The following ATRNL1 variants were observed in gnomAD, a reference collection of about 807,000 sequenced individuals.
The protein encoded by ATRNL1 is attractin like 1.
A neutral mutation model predicts 182.7 loss-of-function variants in ATRNL1; 95 were observed. That is an observed-to-expected ratio of 0.52 (90% CI 0.44 to 0.62). The LOEUF (loss-of-function observed/expected upper bound fraction) is 0.62, where lower values mean the gene tolerates loss of function less well. Ranked by LOEUF, ATRNL1 falls within the 20% of genes least tolerant of loss-of-function variation. ATRNL1 has a pLI of 0.00. For missense variants in ATRNL1, 1,471 were observed against 1,679.5 expected, an observed-to-expected ratio of 0.88 and a Z score of 2.17; for synonymous variants, 576 against 568.3, an observed-to-expected ratio of 1.01 and a Z score of -0.19.
intron 26 of ATRNL1, among the ~76,000 whole-genome samples, chr10:115,680,796 G>A (rs1249470514): frequency 1.3e-5 from 2 of 152,156 alleles, no homozygotes; most frequent in Non-Finnish European, 2.9e-5. Context: ...TATATAGCAA[G>A]TGGACTATAG....
chr10:115,167,591 G>A (rs181560382), intron 7 of ATRNL1, among the ~76,000 whole-genome samples: 3 of 152,078 alleles, frequency 2.0e-5, no homozygotes, highest in African/African-American at 7.2e-5. Context: ...TGGCTAGGCT[G>A]TCTAAATATG....
At chr10:115,170,051 G>A (rs1592205268) in intron 7 of ATRNL1, among the ~76,000 whole-genome samples, 1 of 152,106 alleles carries the variant, frequency 6.6e-6, no homozygotes, top group East Asian at 1.9e-4. Context: ...AAAATTTTTA[G>A]GACTTTCTAT....
At chr10:115,435,980 T>C in intron 21 of ATRNL1, among the ~76,000 whole-genome samples, 1 of 152,192 alleles carries the variant, frequency 6.6e-6, no homozygotes, top group African/African-American at 2.4e-5. Context: ...TAAGTGAATA[T>C]ACATTTATTT....
At chr10:115,170,303 A>C (rs1847238136) in intron 7 of ATRNL1, among the ~76,000 whole-genome samples, 1 of 152,016 alleles carries the variant, frequency 6.6e-6, no homozygotes, top group South Asian at 2.1e-4. Context: ...ATTTTTTTCT[A>C]TTTCTAGTTT....
intron 24 of ATRNL1, among the ~76,000 whole-genome samples, chr10:115,506,816 T>G (rs1850137624): frequency 6.6e-6 from 1 of 152,002 alleles, no homozygotes; most frequent in African/African-American, 2.4e-5. Context: ...AGGAGATTTG[T>G]GAAAGGTCAG....
At position 115,300,029 on chromosome 10, in the gene ATRNL1, T is replaced by G. The variant is rs1554923916; in HGVS notation, c.2416-5T>G. 6.2e-7 allele frequency: 1 copy of G among 1,603,118 alleles called. No individual in the cohort carries two copies. The highest frequency in any genetic ancestry group is 8.5e-7 in the Non-Finnish European group (1 of 1,171,608). ...TTTGAATGCCCCTTTTCCTGTTGTTTACAGAAAGTATCACCTTGGGTAGGC... is the reference window on the plus strand; with the variant it reads ...TTTGAATGCCCCTTTTCCTGTTGTTGACAGAAAGTATCACCTTGGGTAGGC... On this transcript the variant is annotated splice_polypyrimidine_tract_variant and splice_region_variant and intron_variant, in intron 15 of 28. Transcript: ENST00000355044.
At chr10:115,244,784 A>G (rs1592314851) in intron 10 of ATRNL1, among the ~76,000 whole-genome samples, 1 of 152,228 alleles carries the variant, frequency 6.6e-6, no homozygotes, top group Non-Finnish European at 1.5e-5. Context: ...ATAACCTTCT[A>G]TTTAGAATTC....
intron 24 of ATRNL1, among the ~76,000 whole-genome samples, chr10:115,496,213 T>G (rs1849543070): frequency 6.6e-6 from 1 of 151,944 alleles, no homozygotes; most frequent in Non-Finnish European, 1.5e-5. Context: ...TGGGTGTCAT[T>G]GCACGTAAGA....
intron 28 of ATRNL1, among the ~76,000 whole-genome samples, chr10:115,924,507 G>T (rs1232476435): frequency 6.6e-6 from 1 of 152,012 alleles, no homozygotes; most frequent in East Asian, 1.9e-4. Flanking sequence ...GAATAGGAGA[G>T]CCTTTCCCCA....
chr10:115,665,952 C>T (rs1555039561), intron 26 of ATRNL1, among the ~76,000 whole-genome samples: 1 of 152,096 alleles, frequency 6.6e-6, no homozygotes, highest in Non-Finnish European at 1.5e-5. Flanking sequence ...GGCATCTTCT[C>T]TTTTGCAGTT....
intron 26 of ATRNL1, among the ~76,000 whole-genome samples, chr10:115,587,981 C>A (rs1458489512): frequency 2.6e-5 from 4 of 151,946 alleles, no homozygotes; most frequent in South Asian, 2.1e-4. Context: ...AAATGAAAAT[C>A]AAATTCAAGT....
chr10:115,205,029 C>G (rs1189264376), intron 8 of ATRNL1, among the ~76,000 whole-genome samples: 1 of 152,038 alleles, frequency 6.6e-6, no homozygotes, highest in Non-Finnish European at 1.5e-5. Context: ...TAACTCTACA[C>G]TTTTATGCCA....
At chr10:115,926,461 A>G (rs551909275) in intron 28 of ATRNL1, among the ~76,000 whole-genome samples, 4 of 152,270 alleles carry the variant, frequency 2.6e-5, no homozygotes, top group African/African-American at 9.6e-5. Context: ...CAAAAAATCA[A>G]TGAATCTAGG....
chr10:115,442,301 C>CTG (rs782372845), intron 21 of ATRNL1, among the ~76,000 whole-genome samples: 32 of 102,838 alleles, frequency 3.1e-4, no homozygotes, highest in South Asian at 8.3e-4. Context: ...CTCTCTCTCT[C>CTG]TCTGTGTGTA....
At position 115,352,757 on chromosome 10, in the gene ATRNL1, G is replaced by C. The variant is rs193112692; in HGVS notation, c.3175+18338G>C. Among the ~76,000 whole-genome samples the C allele has an allele frequency of 1.2e-4, 18 of 152,250 alleles. No individual in the cohort carries two copies. In the East Asian group the frequency reaches 3.3e-3, roughly 28 times the overall value. On this transcript the variant is annotated intron_variant, in intron 19 of 28. Transcript: ENST00000355044. ...TACTAAAAATACAAAAAAATTAGCT[G>C]AGGGTGGTGGCACATGCCTGTAGTC...
intron 27 of ATRNL1, among the ~76,000 whole-genome samples, chr10:115,781,716 A>G (rs1949270334): frequency 6.6e-6 from 1 of 152,064 alleles, no homozygotes; most frequent in African/African-American, 2.4e-5. Flanking sequence ...AAAATCTTTT[A>G]TTTTTCTCCT....
chr10:115,793,493 A>G (rs1360712792), intron 27 of ATRNL1, among the ~76,000 whole-genome samples: 1 of 141,446 alleles, frequency 7.1e-6, no homozygotes, highest in Admixed American at 7.5e-5. Flanking sequence ...TAAAGTTAAT[A>G]TTAATACCAT....
intron 26 of ATRNL1, among the ~76,000 whole-genome samples, chr10:115,694,924 CACACACAT>C (rs1237808050): frequency 3.5e-4 from 40 of 115,096 alleles, no homozygotes; most frequent in Admixed American, 7.4e-4. Flanking sequence ...CACACACACA[CACACACAT>C]GCACACACGC....
chr10:115,707,372 G>A (rs181815998), intron 26 of ATRNL1, among the ~76,000 whole-genome samples: 37 of 151,430 alleles, frequency 2.4e-4, no homozygotes, highest in African/African-American at 8.7e-4. Flanking sequence ...TATTTCCCAG[G>A]CATAAAGATA....
Sources: gnomAD v4.1 joint callset for allele counts (sites outside exome capture counted in the v4.1 genomes callset) on GRCh38, gnomAD v4.1.1 for gene constraint, MANE v1.5 for transcripts, NCBI Gene and HGNC (gene_info 2026-07-23, HGNC 2026-07-21) for gene names.